TRPC1: variants seen among roughly 807,000 people sequenced by gnomAD.
TRPC1 encodes transient receptor potential cation channel subfamily C member 1.
In TRPC1, 42 loss-of-function variants were observed where a neutral mutation model predicts 88.2. That is an observed-to-expected ratio of 0.48 (90% confidence interval 0.37 to 0.62). The LOEUF (loss-of-function observed/expected upper bound fraction) is 0.62. Ranked by LOEUF, TRPC1 falls within the 20% of genes least tolerant of loss-of-function variation. The pLI is 0.00. For missense variants in TRPC1, 699 were observed against 957.3 expected (o/e 0.73, Z 3.56); for synonymous variants, 288 against 331.8 (o/e 0.87, Z 1.43).
intron 1 of TRPC1, among the ~76,000 whole-genome samples, chr3:142,725,403 T>C (rs746275122): frequency 6.6e-6 from 1 of 152,180 alleles, no homozygotes; most frequent in Non-Finnish European, 1.5e-5. Flanking sequence ...GAGAGAAAGA[T>C]TTATTGCTCC....
intron 6 of TRPC1, among the ~76,000 whole-genome samples, chr3:142,782,150 G>T (rs1935979475): frequency 6.6e-6 from 1 of 151,988 alleles, no homozygotes; most frequent in African/African-American, 2.4e-5. Flanking sequence ...AAGGCGTAAA[G>T]AACTAAAATT....
In TRPC1 at chr3:142,802,246, T is replaced by G; in HGVS notation, c.1659T>G (p.Ile553Met). The G allele has an allele frequency of 6.2e-7, 1 of 1,600,554 alleles. No individual in the cohort carries two copies. The highest frequency in any genetic ancestry group is 8.5e-7 in the Non-Finnish European group (1 of 1,174,614). Residue 553 changes from isoleucine (I) to methionine (M), a missense_variant, in exon 10 of 13, where the codon ATT becomes ATG. Physicochemically the swap from Ile to Met is conservative, Grantham distance 10. This residue lies in a region of TRPC1 where 426 missense variants were observed against 641.3 expected (regional missense o/e 0.66). Coordinates refer to ENST00000476941, the MANE Select transcript of TRPC1 (RefSeq NM_001251845.2). Reference protein sequence around the residue: ...MFLLVLFSFTIGLTQLYDKGY... With the variant: ...MFLLVLFSFTMGLTQLYDKGY... ...TTCTTGTTTTGTTTTCTTTCACAAT[T>G]GGACTGACACAACTGTATGATAAAG...
At chr3:142,780,729 C>A in intron 5 of TRPC1, 105 bp from the exon 6 acceptor site, 1 of 1,156,656 alleles carries the variant, frequency 8.6e-7, no homozygotes, top group Non-Finnish European at 1.2e-6. Flanking sequence ...TTTTGTGTAA[C>A]ACTGTCAGAA....
intron 2 of TRPC1, among the ~76,000 whole-genome samples, chr3:142,741,383 C>T (rs1407752359): frequency 6.6e-6 from 1 of 151,924 alleles, no homozygotes; most frequent in Non-Finnish European, 1.5e-5. Context: ...TTATTCCTTA[C>T]TAAGTAATGT....
At chr3:142,730,899 C>T (rs116559861) in intron 1 of TRPC1, among the ~76,000 whole-genome samples, 3,186 of 152,220 alleles carry the variant, frequency 0.021, 51 homozygotes, top group Non-Finnish European at 0.032. Context: ...TCACACTTCA[C>T]AACTAACTTC....
At chr3:142,743,646 C>T in intron 3 of TRPC1, 60 bp downstream of exon 3, 1 of 1,072,502 alleles carries the variant, frequency 9.3e-7, no homozygotes, top group Non-Finnish European at 1.2e-6. Context: ...TCTCTTGCCC[C>T]ATTGCCATTT....
chr3:142,727,999 T>C (rs115483554), intron 1 of TRPC1, among the ~76,000 whole-genome samples: 1 of 151,574 alleles, frequency 6.6e-6, no homozygotes, highest in African/African-American at 2.4e-5. Context: ...AAAAAACTTG[T>C]TGAGTAGATG....
intron 5 of TRPC1, among the ~76,000 whole-genome samples, chr3:142,779,348 A>C (rs1325939341): frequency 6.6e-6 from 1 of 152,202 alleles, no homozygotes; most frequent in Admixed American, 6.5e-5. Flanking sequence ...CATCTAAACT[A>C]TACAGCCACT....
intron 2 of TRPC1, among the ~76,000 whole-genome samples, chr3:142,739,693 GGT>G: frequency 6.6e-6 from 1 of 152,058 alleles, no homozygotes; most frequent in South Asian, 2.1e-4. Context: ...TGTGTCCAGT[GGT>G]ATTTTAGAAA....
chr3:142,724,488 G>C lies in TRPC1; in HGVS notation c.-72G>C. 2 of 1,374,540 alleles carry C rather than the reference G, an allele frequency of 1.5e-6. No individual in the cohort carries two copies. The highest frequency in any genetic ancestry group is 2.8e-5 in the South Asian group (2 of 71,460). 85.1% of individuals were successfully genotyped at this position (1,374,540 alleles called of 1,614,324 possible). A position where few individuals can be genotyped will look rare whatever the true frequency, so the allele number is the denominator to read the frequency against. ...TTTTTCCAGCCCTGGGGCGTGGCTG[G>C]GGTCGGGGTCGGGGTCGGGGCCGGT... is the stretch of plus-strand genomic sequence containing the variant. On this transcript the variant is annotated 5_prime_UTR_variant, in exon 1 of 13. Transcript: ENST00000476941. The surrounding 1 kb of genome is among the most constrained non-coding windows in gnomAD (Gnocchi z 5.6).
chr3:142,789,771 C>T (rs575946503), intron 7 of TRPC1, among the ~76,000 whole-genome samples: 26 of 152,248 alleles, frequency 1.7e-4, no homozygotes, highest in Non-Finnish European at 3.1e-4. Context: ...GGCCAAAAAA[C>T]GGAAAGTTTT....
chr3:142,744,833 AT>A (rs1934484934), intron 3 of TRPC1, among the ~76,000 whole-genome samples: 3 of 152,178 alleles, frequency 2.0e-5, no homozygotes, highest in Admixed American at 2.0e-4. Flanking sequence ...TTTTAATCAA[AT>A]TTTAAACATG....
chr3:142,737,655 G>A (rs1210717078), intron 2 of TRPC1, among the ~76,000 whole-genome samples: 1 of 152,136 alleles, frequency 6.6e-6, no homozygotes, highest in Non-Finnish European at 1.5e-5. Context: ...GAGAGCTGCA[G>A]TGGAATAAAA....
At chr3:142,768,136 A>G (rs186648111) in intron 4 of TRPC1, among the ~76,000 whole-genome samples, 318 of 152,144 alleles carry the variant, frequency 2.1e-3, no homozygotes, top group African/African-American at 5.1e-3. Context: ...GAAATGTTCT[A>G]TGTACTCTTG....
chr3:142,791,296 C>A, intron 8 of TRPC1, 138 bp downstream of exon 8: 1 of 677,606 alleles, frequency 1.5e-6, no homozygotes, highest in Non-Finnish European at 2.2e-6. Flanking sequence ...TATCTGTGTG[C>A]ACATAGTTTC....
chr3:142,724,765 C>T lies in TRPC1; in HGVS notation c.172+34C>T, dbSNP rs767507626. 7 of 1,522,174 alleles carry T rather than the reference C, an allele frequency of 4.6e-6. No individual in the cohort carries two copies. The South Asian group carries it at 6.2e-5, about 14-fold the overall frequency. The allele number at this position is 1,522,174 out of a possible 1,614,324, so 94.3% of individuals were successfully genotyped here. A position where few individuals can be genotyped will look rare whatever the true frequency, so the allele number is the denominator to read the frequency against. On this transcript the variant is annotated intron_variant, in intron 1 of 12. Transcript: ENST00000476941. The surrounding 1 kb of genome is among the most constrained non-coding windows in gnomAD (Gnocchi z 5.6). ...TAGGCCCCTTTCTCCTCTGGACGCC[C>T]CTGTCCTCCAGACCTTTAGTCCTCT...
In TRPC1 at chr3:142,807,024, G is replaced by A. The variant is rs1936814825; in HGVS notation, c.*789G>A. ...TTTAGCTATTCAGTTATGTTTATAAGTTTGCATAGCTACTTCTCGACATTT... is the reference window on the plus strand; with the variant it reads ...TTTAGCTATTCAGTTATGTTTATAAATTTGCATAGCTACTTCTCGACATTT... On this transcript the variant is annotated 3_prime_UTR_variant, in exon 13 of 13. Transcript: ENST00000476941. The A allele has an allele frequency of 6.6e-6, 1 of 151,046 alleles. No individual in the cohort carries two copies. Among genetic ancestry groups the A allele is most frequent in the Non-Finnish European group, 1.5e-5 (1 of 67,772 alleles). 9.4% of individuals were successfully genotyped at this position (151,046 alleles called of 1,614,324 possible).
intron 7 of TRPC1, among the ~76,000 whole-genome samples, chr3:142,786,043 G>A (rs113053345): frequency 2.4e-4 from 36 of 151,954 alleles, no homozygotes; most frequent in African/African-American, 7.5e-4. Context: ...ATTTTTACTC[G>A]TCTTGCCTTC....
intron 4 of TRPC1, among the ~76,000 whole-genome samples, chr3:142,751,792 G>A (rs1407043564): frequency 6.6e-6 from 1 of 152,154 alleles, no homozygotes; most frequent in Non-Finnish European, 1.5e-5. Context: ...ATTTGAGATA[G>A]TGACAGATCT....
Sources: allele counts gnomAD v4.1 joint callset (sites outside exome capture counted in the v4.1 genomes callset), GRCh38; gene constraint gnomAD v4.1.1; regional missense constraint gnomAD v4.1.1; non-coding constraint Gnocchi (gnomAD v3.1); transcripts MANE v1.5; gene names NCBI Gene and HGNC (gene_info 2026-07-23, HGNC 2026-07-21).